The following SH3RF2 variants were observed in gnomAD, a reference collection of about 807,000 sequenced individuals.
The protein encoded by SH3RF2 is E3 ubiquitin-protein ligase SH3RF2.
Under a neutral mutation model 59.0 loss-of-function variants are expected in SH3RF2, and 43 were observed. That is an observed-to-expected ratio of 0.73 (90% CI 0.57 to 0.94). SH3RF2 has a LOEUF of 0.94. Ranked by LOEUF, SH3RF2 falls within the 40% of genes least tolerant of loss-of-function variation. The pLI, the probability that SH3RF2 is intolerant of heterozygous loss-of-function variation, is 0.00. For synonymous variants in SH3RF2, 391 were observed against 391.5 expected, an observed-to-expected ratio of 1.00 and a Z score of 0.01; for missense variants, 930 against 940.1, an observed-to-expected ratio of 0.99 and a Z score of 0.14.
At chr5:146,076,130 C>T (rs549003309) in intron 9 of SH3RF2, among the ~76,000 whole-genome samples, 1 of 152,178 alleles carries the variant, frequency 6.6e-6, no homozygotes, top group African/African-American at 2.4e-5. Flanking sequence ...AGCCAGCTTT[C>T]CCTTGGCAGT....
At chr5:145,967,580 G>T (rs577377740) in intron 2 of SH3RF2, among the ~76,000 whole-genome samples, 1 of 152,204 alleles carries the variant, frequency 6.6e-6, no homozygotes, top group Non-Finnish European at 1.5e-5. Flanking sequence ...TGACCACAAC[G>T]TGGGACTGTC....
intron 2 of SH3RF2, among the ~76,000 whole-genome samples, chr5:145,977,538 T>C (rs1759341018): frequency 6.6e-6 from 1 of 152,196 alleles, no homozygotes; most frequent in African/African-American, 2.4e-5. Flanking sequence ...AGCCCCATGG[T>C]AAGAGTGCCT....
intron 4 of SH3RF2, among the ~76,000 whole-genome samples, chr5:146,008,951 T>A (rs144697467): frequency 6.6e-6 from 1 of 152,368 alleles, no homozygotes; most frequent in Admixed American, 6.5e-5. Flanking sequence ...TGCTGTTTCA[T>A]GTATCAGTAG....
intron 2 of SH3RF2, among the ~76,000 whole-genome samples, chr5:145,969,951 C>T (rs1028972020): frequency 3.8e-4 from 58 of 152,018 alleles, no homozygotes; most frequent in African/African-American, 1.3e-3. Context: ...TTATTCCCTT[C>T]CCACTCCCTT....
At chr5:146,021,666 G>A (rs1387846160) in intron 5 of SH3RF2, among the ~76,000 whole-genome samples, 1 of 152,174 alleles carries the variant, frequency 6.6e-6, no homozygotes, top group East Asian at 1.9e-4. Context: ...GGGTTTCACA[G>A]GCAGGTGGCT....
intron 2 of SH3RF2, among the ~76,000 whole-genome samples, chr5:145,992,038 A>T (rs1759953782): frequency 6.6e-6 from 1 of 152,166 alleles, no homozygotes; most frequent in Non-Finnish European, 1.5e-5. Context: ...CACATTTTTA[A>T]CACCTCCCAG....
At chr5:145,987,544 G>A (rs552178620) in intron 2 of SH3RF2, among the ~76,000 whole-genome samples, 1 of 152,238 alleles carries the variant, frequency 6.6e-6, no homozygotes, top group South Asian at 2.1e-4. Context: ...TCCCTACGTT[G>A]GGTTCCTTTC....
intron 2 of SH3RF2, among the ~76,000 whole-genome samples, chr5:145,939,485 T>C (rs1757727664): frequency 6.6e-6 from 1 of 152,184 alleles, no homozygotes; most frequent in Non-Finnish European, 1.5e-5. Flanking sequence ...GTTCACTGCA[T>C]CTTTAAACCA....
intron 2 of SH3RF2, among the ~76,000 whole-genome samples, chr5:145,947,684 T>A (rs1758047960): frequency 6.6e-6 from 1 of 152,248 alleles, no homozygotes; most frequent in African/African-American, 2.4e-5. Context: ...GCACAGGGCC[T>A]GACTCATAGT....
intron 5 of SH3RF2, among the ~76,000 whole-genome samples, chr5:146,028,678 C>A (rs144143408): frequency 9.2e-5 from 14 of 152,320 alleles, no homozygotes; most frequent in African/African-American, 3.4e-4. Context: ...CCGCTGAGAA[C>A]AGCTGATGTG....
At chr5:146,054,128 T>C (rs1762589286) in intron 7 of SH3RF2, among the ~76,000 whole-genome samples, 2 of 152,156 alleles carry the variant, frequency 1.3e-5, no homozygotes, top group African/African-American at 4.8e-5. Flanking sequence ...TAATATATGA[T>C]AGCAAAGTGT....
At chr5:146,000,874 G>A (rs992653092) in intron 3 of SH3RF2, among the ~76,000 whole-genome samples, 1 of 152,186 alleles carries the variant, frequency 6.6e-6, no homozygotes, top group Admixed American at 6.5e-5. Flanking sequence ...TACATGGACA[G>A]AAAATTAGAA....
chr5:145,939,817 TCCCTTCCC>T (rs2149937145), intron 2 of SH3RF2, among the ~76,000 whole-genome samples: 1 of 152,224 alleles, frequency 6.6e-6, no homozygotes, highest in African/African-American at 2.4e-5. Context: ...AGCAACCTCT[TCCCTTCCC>T]CACCTTGCAG....
intron 2 of SH3RF2, among the ~76,000 whole-genome samples, chr5:145,992,813 C>G (rs1241949179): frequency 6.6e-6 from 1 of 150,680 alleles, no homozygotes; most frequent in Non-Finnish European, 1.5e-5. Context: ...TGGGCGGGGA[C>G]AGAGCCAAAT....
intron 7 of SH3RF2, among the ~76,000 whole-genome samples, chr5:146,051,653 G>A (rs1469721071): frequency 6.6e-6 from 1 of 152,106 alleles, no homozygotes; most frequent in Non-Finnish European, 1.5e-5. Flanking sequence ...TCCATAAAAC[G>A]AGCATGTTTT....
intron 2 of SH3RF2, among the ~76,000 whole-genome samples, chr5:145,992,859 C>T (rs542817114): frequency 1.8e-4 from 27 of 151,520 alleles, no homozygotes; most frequent in East Asian, 1.2e-3. Flanking sequence ...CCAAATCTCA[C>T]GGCCTCACAT....
chr5:146,057,563 A>G (rs1244760938), intron 8 of SH3RF2, among the ~76,000 whole-genome samples: 3 of 152,248 alleles, frequency 2.0e-5, no homozygotes, highest in Admixed American at 1.3e-4. Context: ...AGTTTTTTAT[A>G]GTATTTTTTT....
chr5:146,062,388 A>G, intron 9 of SH3RF2, 38 bp from the exon 10 acceptor site: 1 of 1,600,928 alleles, frequency 6.2e-7, no homozygotes, highest in Non-Finnish European at 8.5e-7. Flanking sequence ...GACATCTCCC[A>G]CCTCACCTGT....
At chr5:146,028,335 C>T (rs1439355322) in intron 5 of SH3RF2, among the ~76,000 whole-genome samples, 2 of 152,220 alleles carry the variant, frequency 1.3e-5, no homozygotes, top group African/African-American at 4.8e-5. Flanking sequence ...CATGTGGGCA[C>T]AGACAGACCT....
Sources: allele counts gnomAD v4.1 joint callset (sites outside exome capture counted in the v4.1 genomes callset), GRCh38; gene constraint gnomAD v4.1.1; transcripts MANE v1.5; gene names NCBI Gene and HGNC (gene_info 2026-07-23, HGNC 2026-07-21).